TACC1: variants seen among roughly 807,000 people sequenced by gnomAD.
TACC1 encodes transforming acidic coiled-coil-containing protein 1.
Under a neutral mutation model 84.4 loss-of-function variants are expected in TACC1, and 48 were observed. The observed-to-expected ratio is 0.57, with a 90% CI of 0.45 to 0.72. The LOEUF is 0.72. Among genes scored for constraint, TACC1 ranks in the 30% least tolerant of loss-of-function variants. TACC1 has a pLI of 0.00. For missense variants in TACC1, 920 were observed against 973.0 expected (o/e 0.95, Z 0.72); for synonymous variants, 372 against 376.3 (o/e 0.99, Z 0.13).
At chr8:38,827,680 T>C in intron 5 of TACC1, 1 of 341,724 alleles carries the variant, frequency 2.9e-6, no homozygotes, top group Non-Finnish European at 5.4e-6. Context: ...GTGTGTTAGT[T>C]CATTTGCGTT....
intron 3 of TACC1, among the ~76,000 whole-genome samples, chr8:38,821,939 T>C (rs548311522): frequency 2.0e-5 from 3 of 152,090 alleles, no homozygotes; most frequent in African/African-American, 7.2e-5. Flanking sequence ...ACTGAATAGG[T>C]GCTAGGTGTG....
intron 3 of TACC1, among the ~76,000 whole-genome samples, chr8:38,746,845 A>C (rs949610480): frequency 6.6e-6 from 1 of 152,220 alleles, no homozygotes; most frequent in East Asian, 1.9e-4. Flanking sequence ...AAAATAGAAT[A>C]TATCTTAAAA....
At chr8:38,771,678 G>C (rs1173288522) in intron 3 of TACC1, among the ~76,000 whole-genome samples, 1 of 152,316 alleles carries the variant, frequency 6.6e-6, no homozygotes, top group Admixed American at 6.5e-5. Flanking sequence ...CCCACCCCAA[G>C]TTTCTCATGC....
chr8:38,742,788 C>T (rs1807326339), intron 2 of TACC1, among the ~76,000 whole-genome samples: 1 of 152,198 alleles, frequency 6.6e-6, no homozygotes, highest in Non-Finnish European at 1.5e-5. Flanking sequence ...GATCTCGGCT[C>T]ACTGCAACTT....
At chr8:38,756,898 G>C (rs571414133) in intron 3 of TACC1, among the ~76,000 whole-genome samples, 3 of 152,194 alleles carry the variant, frequency 2.0e-5, no homozygotes, top group Admixed American at 6.5e-5. Context: ...AGCAGCTCCC[G>C]GGGCCTCTTC....
chr8:38,827,283 T>G lies in TACC1; in HGVS notation c.1568T>G (p.Val523Gly). 6.2e-7 allele frequency: 1 copy of G among 1,614,154 alleles called. No homozygotes were observed. Among genetic ancestry groups the G allele is most frequent in the Non-Finnish European group, 8.5e-7 (1 of 1,180,014 alleles). ...GGTCAGAAATCAGCTGGTGCCGAGG[T>G]GAAAGGTGAGCCAGAGGAAGACCTG... ...SCGQKSAGAE[V>G]KGEPEEDLEY... The change falls in exon 5 of 13, where the codon GTG becomes GGG. Residue 523 changes from valine to glycine, a missense_variant. This residue lies in a region of TACC1 where 762 missense variants were observed against 747.3 expected (regional missense o/e 1.02). Coordinates refer to ENST00000317827, the MANE Select transcript of TACC1 (RefSeq NM_006283.3).
intron 2 of TACC1, among the ~76,000 whole-genome samples, chr8:38,814,691 G>A (rs945431628): frequency 6.6e-6 from 1 of 152,072 alleles, no homozygotes; most frequent in African/African-American, 2.4e-5. Context: ...CACAGAACAG[G>A]GTTTAAATAA....
rs781236841 is a variant in TACC1, at chr8:38,831,118, G to C, written c.1661-7G>C. 2 of 1,614,008 alleles carry C rather than the reference G, an allele frequency of 1.2e-6. No homozygotes were observed. On this transcript the variant is annotated splice_region_variant and splice_polypyrimidine_tract_variant and intron_variant, in intron 5 of 12. Coordinates refer to ENST00000317827, the MANE Select transcript of TACC1 (RefSeq NM_006283.3). ...GGGATAACTATAAAAATGACTTTCT[G>C]TCTTAGGCATAGAGAAGGAGACGTG...
intron 12 of TACC1, among the ~76,000 whole-genome samples, chr8:38,847,196 T>A: frequency 6.6e-6 from 1 of 152,226 alleles, no homozygotes; most frequent in East Asian, 1.9e-4. Flanking sequence ...GGGGCAGTTT[T>A]GCCCTCCAGG....
At chr8:38,781,092 C>A (rs1815855894) in intron 3 of TACC1, among the ~76,000 whole-genome samples, 1 of 152,106 alleles carries the variant, frequency 6.6e-6, no homozygotes, top group African/African-American at 2.4e-5. Flanking sequence ...CTCCCCACAT[C>A]CTCCTAGCAG....
intron 2 of TACC1, among the ~76,000 whole-genome samples, chr8:38,803,242 A>G (rs1477318518): frequency 6.6e-6 from 1 of 152,210 alleles, no homozygotes; most frequent in South Asian, 2.1e-4. Flanking sequence ...TTCCTTTCCA[A>G]TAGGGATACC....
chr8:38,844,243 G>T (rs1831800274), intron 11 of TACC1, among the ~76,000 whole-genome samples: 1 of 151,986 alleles, frequency 6.6e-6, no homozygotes, highest in Non-Finnish European at 1.5e-5. Context: ...TGCAATCTAG[G>T]CTCACTGCAA....
chr8:38,820,114 C>G lies in TACC1; in HGVS notation c.870C>G (p.Asp290Glu). 1 of 1,614,108 alleles carries G rather than the reference C, an allele frequency of 6.2e-7. No individual in the cohort carries two copies. Among genetic ancestry groups the G allele is most frequent in the Non-Finnish European group, 8.5e-7 (1 of 1,180,024 alleles). Residue 290 changes from aspartate (D) to glutamate (E), a missense_variant, in exon 3 of 13, where the codon GAC becomes GAG. This residue lies in a region of TACC1 where 762 missense variants were observed against 747.3 expected (regional missense o/e 1.02). Coordinates refer to ENST00000317827, the MANE Select transcript of TACC1 (RefSeq NM_006283.3). The stretch of plus-strand genomic sequence containing the variant: ...CCAGGTTCCAGAAGTCTCCCCCTGA[C>G]CTTAAAGAAACTCCCGGCACTCTCA... ...GDARFQKSPP[D>E]LKETPGTLSS...
chr8:38,793,307 T>C (rs1387372332), intron 2 of TACC1, among the ~76,000 whole-genome samples: 1 of 152,200 alleles, frequency 6.6e-6, no homozygotes, highest in Non-Finnish European at 1.5e-5. Context: ...TTTGGTAGTC[T>C]CGATCAGAAT....
At chr8:38,746,815 T>C (rs369439917) in intron 3 of TACC1, among the ~76,000 whole-genome samples, 3 of 152,170 alleles carry the variant, frequency 2.0e-5, no homozygotes, top group African/African-American at 7.2e-5. Context: ...GCAGAATAGC[T>C]GTAAAGCATC....
At position 38,788,836 on chromosome 8, in the gene TACC1, A is replaced by G. The variant is rs1817955038; in HGVS notation, c.277+17A>G. ...AAAGCCAAGGTAAAGAAAAACTTGC[A>G]TTTTTCCTGCCTGTTTTGTTTCAAA... On this transcript the variant is annotated intron_variant, in intron 2 of 12. Coordinates refer to ENST00000317827, the MANE Select transcript of TACC1 (RefSeq NM_006283.3). 2 of 1,570,662 alleles carry G rather than the reference A, an allele frequency of 1.3e-6. No individual in the cohort carries two copies. Among genetic ancestry groups the G allele is most frequent in the Non-Finnish European group, 1.7e-6 (2 of 1,155,840 alleles).
upstream of TACC1, among the ~76,000 whole-genome samples, chr8:38,783,994 C>T (rs905374785): frequency 6.6e-6 from 1 of 152,342 alleles, no homozygotes; most frequent in South Asian, 2.1e-4. Context: ...GATTAGACAT[C>T]ATCATGCCCT....
At chr8:38,786,664 G>T (rs540169551), upstream of TACC1, among the ~76,000 whole-genome samples, 1 of 152,190 alleles carries the variant, frequency 6.6e-6, no homozygotes, top group Non-Finnish European at 1.5e-5. Flanking sequence ...GTTTGGGGAG[G>T]GGGAGGGCAT....
rs1824837888 is a variant in TACC1, at chr8:38,813,930, T to C, written c.278-5592T>C. ...TTTCATAGAAATTAAGCTGGGGCAGTGTAGGTAGGCCTTTGTGGGCATTGA... is the reference window on the plus strand; with the variant it reads ...TTTCATAGAAATTAAGCTGGGGCAGCGTAGGTAGGCCTTTGTGGGCATTGA... On this transcript the variant is annotated intron_variant, in intron 2 of 12. Coordinates refer to ENST00000317827, the MANE Select transcript of TACC1 (RefSeq NM_006283.3). 3.3e-5 allele frequency among the ~76,000 whole-genome samples: 5 copies of C among 152,300 alleles called. No individual in the cohort carries two copies. In the South Asian group the frequency reaches 1.0e-3, roughly 32 times the overall value.
Sources: allele counts gnomAD v4.1 joint callset (sites outside exome capture counted in the v4.1 genomes callset), GRCh38; gene constraint gnomAD v4.1.1; regional missense constraint gnomAD v4.1.1; transcripts MANE v1.5; gene names NCBI Gene and HGNC (gene_info 2026-07-23, HGNC 2026-07-21).